ACOT13: variants seen among roughly 807,000 people sequenced by gnomAD.
ACOT13 encodes the protein acyl-coenzyme A thioesterase 13.
Under a neutral mutation model 11.8 loss-of-function variants are expected in ACOT13, and 10 were observed. The observed-to-expected ratio is 0.85, with a 90% confidence interval of 0.53 to 1.44. ACOT13 has a LOEUF of 1.44. ACOT13 is among the 40% of genes most tolerant of loss of function. The pLI, the probability that ACOT13 is intolerant of heterozygous loss-of-function variation, is 0.00. For synonymous variants in ACOT13, 53 were observed against 61.0 expected (o/e 0.87, Z 0.61); for missense variants, 172 against 174.1 (o/e 0.99, Z 0.07).
chr6:24,697,615 A>G (rs1376678976), intron 1 of ACOT13, among the ~76,000 whole-genome samples: 1 of 152,258 alleles, frequency 6.6e-6, no homozygotes, highest in African/African-American at 2.4e-5. Flanking sequence ...GCCAGGCGTC[A>G]TACATATGAC....
chr6:24,701,585 AG>A lies in ACOT13; in HGVS notation c.395del (p.Gly132GlufsTer15), dbSNP rs1562164223. ...AGGCCACAGGAAAATTAATAGCACAAGGAAGACACACAAAACACCTGGGAAA... is the reference window on the plus strand; with the variant it reads ...AGGCCACAGGAAAATTAATAGCACAAGAAGACACACAAAACACCTGGGAAA... ...NKATGKLIAQ[G>X]RHTKHLGN On this transcript the variant is annotated frameshift_variant, in exon 3 of 3. Coordinates refer to ENST00000230048, the MANE Select transcript of ACOT13 (RefSeq NM_018473.4). LOFTEE classifies it high-confidence loss of function. 6.2e-7 allele frequency: 1 copy of A among 1,613,218 alleles called. No homozygotes were observed. The highest frequency in any genetic ancestry group is 1.7e-5 in the Admixed American group (1 of 59,892).
At chr6:24,700,917 T>TC (rs1476896018) in intron 2 of ACOT13, 1 of 151,580 alleles carries the variant, frequency 6.6e-6, no homozygotes, top group African/African-American at 2.4e-5. Context: ...TCTCCCCAAT[T>TC]TTTTTTTTAA....
At chr6:24,685,515 T>G (rs1778616060) in intron 1 of ACOT13, among the ~76,000 whole-genome samples, 1 of 151,770 alleles carries the variant, frequency 6.6e-6, no homozygotes, top group Non-Finnish European at 1.5e-5. Context: ...CCCGGCTAAT[T>G]TTTTGTATTT....
At chr6:24,700,645 G>A (rs1180883775) in intron 2 of ACOT13, among the ~76,000 whole-genome samples, 4 of 151,760 alleles carry the variant, frequency 2.6e-5, no homozygotes, top group South Asian at 4.2e-4. Flanking sequence ...CACGTTGGCC[G>A]GGCTGGTCTC....
chr6:24,667,127 C>T lies in ACOT13; in HGVS notation c.-137C>T, dbSNP rs1226808873. On this transcript the variant is annotated 5_prime_UTR_variant, in exon 1 of 3. Coordinates refer to ENST00000230048, the MANE Select transcript of ACOT13 (RefSeq NM_018473.4). ...GCTGCCAGCTCGCCTGACTCCCGGCCTCTTGCGCTCCTAGGGGCGGAGAAG... is the reference window on the plus strand; with the variant it reads ...GCTGCCAGCTCGCCTGACTCCCGGCTTCTTGCGCTCCTAGGGGCGGAGAAG... 2 of 958,506 alleles carry T rather than the reference C, an allele frequency of 2.1e-6. No homozygotes were observed. The highest frequency in any genetic ancestry group is 3.1e-6 in the Non-Finnish European group (2 of 645,940). The allele number at this position is 958,506 out of a possible 1,614,324, so 59.4% of individuals were successfully genotyped here.
intron 1 of ACOT13, among the ~76,000 whole-genome samples, chr6:24,694,572 C>T (rs745568991): frequency 3.3e-5 from 5 of 152,204 alleles, no homozygotes; most frequent in Non-Finnish European, 7.3e-5. Flanking sequence ...TACAGCCCAT[C>T]TTTACCAAGG....
chr6:24,676,575 A>C, intron 1 of ACOT13, among the ~76,000 whole-genome samples: 1 of 152,156 alleles, frequency 6.6e-6, no homozygotes, highest in East Asian at 1.9e-4. Flanking sequence ...TTGATTTTGT[A>C]TCCTGAGACT....
chr6:24,701,376 T>C, intron 2 of ACOT13, 83 bp from the exon 3 acceptor site: 1 of 1,263,868 alleles, frequency 7.9e-7, no homozygotes, highest in Non-Finnish European at 1.1e-6. Context: ...TAAAATAAGT[T>C]ACATAGGAAC....
At chr6:24,692,118 G>T (rs771226239) in intron 1 of ACOT13, among the ~76,000 whole-genome samples, 2 of 152,100 alleles carry the variant, frequency 1.3e-5, no homozygotes, top group Non-Finnish European at 2.9e-5. Context: ...GTCTTTGAAC[G>T]ACTAGTTAAC....
chr6:24,691,175 A>T (rs1778713038), intron 1 of ACOT13, among the ~76,000 whole-genome samples: 1 of 152,204 alleles, frequency 6.6e-6, no homozygotes, highest in Admixed American at 6.5e-5. Flanking sequence ...GAAGCCACTA[A>T]ATATTGGGCA....
chr6:24,678,338 G>C (rs1007451967), intron 1 of ACOT13, among the ~76,000 whole-genome samples: 1 of 152,128 alleles, frequency 6.6e-6, no homozygotes, highest in African/African-American at 2.4e-5. Context: ...AGGAAGAACA[G>C]CCTCATTGAT....
Position 24,691,246 on chromosome 6 carries a change from A to G in ACOT13, c.82-6637A>G, listed in dbSNP as rs529816757. On this transcript the variant is annotated intron_variant, in intron 1 of 2. Coordinates refer to ENST00000230048, the MANE Select transcript of ACOT13 (RefSeq NM_018473.4). ...TTCAGTGTATTCATTCACTCAACAAATATTTGAGTGCCTACTATGTGCCTA... is the reference window on the plus strand; with the variant it reads ...TTCAGTGTATTCATTCACTCAACAAGTATTTGAGTGCCTACTATGTGCCTA... 3.9e-5 allele frequency among the ~76,000 whole-genome samples: 6 copies of G among 152,304 alleles called. 1 individual carries two copies. The South Asian group carries it at 1.2e-3, about 32-fold the overall frequency.
At position 24,699,014 on chromosome 6, in the gene ACOT13, CA is replaced by C. The variant is rs1778845476; in HGVS notation, c.266+951del. ...ACAGTGCCCCTCAGGGTCAAACTTC[CA>C]AAATGTAAGAAACTCAATTCCAACA... On this transcript the variant is annotated intron_variant, in intron 2 of 2. Coordinates refer to ENST00000230048, the MANE Select transcript of ACOT13 (RefSeq NM_018473.4). Among the ~76,000 whole-genome samples, 3 of 152,066 alleles carry C rather than the reference CA, an allele frequency of 2.0e-5. No individual in the cohort carries two copies. In the South Asian group the frequency reaches 6.2e-4, roughly 31 times the overall value.
chr6:24,696,924 C>T (rs965156160), intron 1 of ACOT13, among the ~76,000 whole-genome samples: 14 of 152,010 alleles, frequency 9.2e-5, no homozygotes, highest in Non-Finnish European at 1.8e-4. Flanking sequence ...TACAAGGGCA[C>T]GCCACCACAC....
At chr6:24,671,722 C>T (rs546290495) in intron 1 of ACOT13, among the ~76,000 whole-genome samples, 1 of 152,128 alleles carries the variant, frequency 6.6e-6, no homozygotes, top group South Asian at 2.1e-4. Context: ...ACCAAAACAA[C>T]ACAACAATTG....
intron 1 of ACOT13, among the ~76,000 whole-genome samples, chr6:24,681,697 A>G (rs1047960509): frequency 2.0e-5 from 3 of 152,126 alleles, no homozygotes; most frequent in Non-Finnish European, 4.4e-5. Flanking sequence ...CACCAGGGAT[A>G]AGACTCCCTG....
chr6:24,678,178 C>T (rs988302100), intron 1 of ACOT13, among the ~76,000 whole-genome samples: 2 of 152,090 alleles, frequency 1.3e-5, no homozygotes, highest in Non-Finnish European at 2.9e-5. Context: ...ACATTGGGTT[C>T]AAAGGATCTT....
At chr6:24,672,673 C>T (rs141823481) in intron 1 of ACOT13, among the ~76,000 whole-genome samples, 1 of 152,026 alleles carries the variant, frequency 6.6e-6, no homozygotes, top group East Asian at 1.9e-4. Context: ...ATATAACTTC[C>T]ATAAGCCTTT....
At chr6:24,693,410 G>A (rs1270837911) in intron 1 of ACOT13, among the ~76,000 whole-genome samples, 1 of 152,178 alleles carries the variant, frequency 6.6e-6, no homozygotes, top group East Asian at 1.9e-4. Flanking sequence ...GAGCTGCATA[G>A]CAGCCAGCAG....
Sources: gnomAD v4.1 joint callset for allele counts (sites outside exome capture counted in the v4.1 genomes callset) on GRCh38, gnomAD v4.1.1 for gene constraint, MANE v1.5 for transcripts, NCBI Gene and HGNC (gene_info 2026-07-23, HGNC 2026-07-21) for gene names.